Variants in MAN1C1 observed in about 807,000 individuals in gnomAD.
MAN1C1 encodes mannosidase alpha class 1C member 1.
MAN1C1 carries 49 observed loss-of-function variants against 71.5 expected under a neutral mutation model. The ratio of observed to expected loss-of-function variants is 0.69; its 90% CI spans 0.54 to 0.87. The LOEUF is 0.87. Among genes scored for constraint, MAN1C1 ranks in the 40% least tolerant of loss-of-function variants. The probability of loss-of-function intolerance (pLI) is 0.00; values close to 1 mark genes in which losing one functional copy is unlikely to be tolerated. For missense variants in MAN1C1, 743 were observed against 835.0 expected, an observed-to-expected ratio of 0.89 and a Z score of 1.36; for synonymous variants, 352 against 343.7, an observed-to-expected ratio of 1.02 and a Z score of -0.27.
rs2046231977 is a variant in MAN1C1 at position 25,686,435 on chromosome 1, T to C, written c.541-5T>C. On this transcript the variant is annotated splice_region_variant and splice_polypyrimidine_tract_variant and intron_variant, in intron 1 of 11. Transcript: ENST00000374332. ...AGGTTCTCTCTATGCTGCTTTTTCT[T>C]GCAGATGATGCAGTTTGCTTGGCAG... 5.0e-6 allele frequency: 8 copies of C among 1,613,790 alleles called. No individual in the cohort carries two copies. The East Asian group carries it at 1.8e-4, about 36-fold the overall frequency.
chr1:25,745,741 G>A (rs894447652), intron 2 of MAN1C1, among the ~76,000 whole-genome samples: 1 of 152,168 alleles, frequency 6.6e-6, no homozygotes, highest in Non-Finnish European at 1.5e-5. Context: ...TGTAATTCCA[G>A]CACTTTGGGA....
chr1:25,766,286 C>T (rs976184530), intron 7 of MAN1C1, among the ~76,000 whole-genome samples: 4 of 152,048 alleles, frequency 2.6e-5, no homozygotes, highest in Admixed American at 6.5e-5. Context: ...CAAACGTCTG[C>T]CTTCCTCCTC....
At chr1:25,741,620 A>C (rs2993240) in intron 2 of MAN1C1, among the ~76,000 whole-genome samples, 5,219 of 152,100 alleles carry the variant, frequency 0.034, 312 homozygotes, top group African/African-American at 0.12. Context: ...CATTAGCATG[A>C]GATGAGAATG....
intron 1 of MAN1C1, among the ~76,000 whole-genome samples, chr1:25,637,290 C>T (rs577536849): frequency 6.6e-6 from 1 of 152,076 alleles, no homozygotes; most frequent in South Asian, 2.1e-4. Context: ...TATTTCCTTC[C>T]TTCTGCCTAT....
intron 1 of MAN1C1, among the ~76,000 whole-genome samples, chr1:25,665,842 T>C (rs2045915664): frequency 6.7e-6 from 1 of 148,856 alleles, no homozygotes; most frequent in Non-Finnish European, 1.5e-5. Context: ...TTTCAGGTAA[T>C]ACTTGGCATT....
At chr1:25,770,807 A>C (rs2047540415) in intron 7 of MAN1C1, among the ~76,000 whole-genome samples, 1 of 124,568 alleles carries the variant, frequency 8.0e-6, no homozygotes, top group African/African-American at 3.1e-5. Flanking sequence ...CCTTCAGTCC[A>C]CCCCCATTTT....
At chr1:25,635,610 T>A (rs1167691379) in intron 1 of MAN1C1, among the ~76,000 whole-genome samples, 1 of 152,000 alleles carries the variant, frequency 6.6e-6, no homozygotes, top group East Asian at 1.9e-4. Flanking sequence ...CCACCACGCC[T>A]GGCTAATTTT....
At chr1:25,648,510 C>G (rs770924171) in intron 1 of MAN1C1, among the ~76,000 whole-genome samples, 1 of 152,156 alleles carries the variant, frequency 6.6e-6, no homozygotes, top group Non-Finnish European at 1.5e-5. Flanking sequence ...TCCCCAGGCT[C>G]TGGTCACATA....
chr1:25,724,125 T>C (rs1572175727), intron 2 of MAN1C1, among the ~76,000 whole-genome samples: 1 of 149,182 alleles, frequency 6.7e-6, no homozygotes, highest in Non-Finnish European at 1.5e-5. Context: ...GCCTCCCGGG[T>C]TCAAGCGATT....
intron 2 of MAN1C1, among the ~76,000 whole-genome samples, chr1:25,742,604 C>T (rs2047077553): frequency 6.6e-6 from 1 of 152,234 alleles, no homozygotes; most frequent in African/African-American, 2.4e-5. Context: ...CATGTACTCA[C>T]TATCATGCCA....
At chr1:25,682,815 A>G (rs1208641952) in intron 1 of MAN1C1, among the ~76,000 whole-genome samples, 2 of 152,106 alleles carry the variant, frequency 1.3e-5, no homozygotes, top group Non-Finnish European at 2.9e-5. Context: ...AGGCGGGCAA[A>G]TCACTTGAGG....
chr1:25,617,946 A>G lies in MAN1C1; in HGVS notation c.149A>G (p.Lys50Arg), dbSNP rs1286448901. The change falls in exon 1 of 12, where the codon AAG becomes AGG. Residue 50 changes from lysine to arginine, a missense_variant. Lys to Arg is a conservative substitution (Grantham distance 26, BLOSUM62 2). Coordinates refer to ENST00000374332, the MANE Select transcript of MAN1C1 (RefSeq NM_020379.4). The surrounding 1 kb of genome is among the most constrained non-coding windows in gnomAD (Gnocchi z 5.1). The stretch of plus-strand genomic sequence containing the variant: ...CTGCTGCCCCACTCCTCTCGCCTCA[A>G]GCGCCTCTTCCTGGCCCCCCGGACC... The part of the protein sequence containing the change: ...LFLLPHSSRL[K>R]RLFLAPRTQQ... 1 of 1,607,712 alleles carries G rather than the reference A, an allele frequency of 6.2e-7. No homozygotes were observed. Among genetic ancestry groups the G allele is most frequent in the Non-Finnish European group, 8.5e-7 (1 of 1,177,808 alleles).
intron 2 of MAN1C1, among the ~76,000 whole-genome samples, chr1:25,716,785 G>A (rs538744958): frequency 2.6e-5 from 4 of 152,266 alleles, no homozygotes; most frequent in African/African-American, 9.6e-5. Context: ...TAAAATCAAG[G>A]TACTGAACAT....
chr1:25,693,069 G>A (rs2046328580), intron 2 of MAN1C1, among the ~76,000 whole-genome samples: 1 of 152,116 alleles, frequency 6.6e-6, no homozygotes, highest in Admixed American at 6.5e-5. Flanking sequence ...CTGCTTATTA[G>A]CCTACTGTTG....
chr1:25,728,395 A>C (rs1403864793), intron 2 of MAN1C1, among the ~76,000 whole-genome samples: 2 of 152,064 alleles, frequency 1.3e-5, no homozygotes, highest in Non-Finnish European at 2.9e-5. Context: ...CACTCACAAC[A>C]ATCTGTTTGA....
At chr1:25,644,375 G>C (rs532429575) in intron 1 of MAN1C1, among the ~76,000 whole-genome samples, 3 of 151,416 alleles carry the variant, frequency 2.0e-5, no homozygotes, top group Non-Finnish European at 4.4e-5. Flanking sequence ...CATCTTGGAA[G>C]GGGGAGAGGA....
At chr1:25,696,328 G>A (rs79531150) in intron 2 of MAN1C1, among the ~76,000 whole-genome samples, 2,547 of 152,258 alleles carry the variant, frequency 0.017, 31 homozygotes, top group Non-Finnish European at 0.026. Context: ...TCTGAGGACC[G>A]GGAGGCAGGT....
rs1206018553 is a variant in MAN1C1, at chr1:25,775,738, G to T, written c.1258-2367G>T. ...GGGCTGGAGCATGCAGGAAGGAGGC[G>T]CAGCACCAGCTAAGCCCCGAAGCAG... On this transcript the variant is annotated intron_variant, in intron 8 of 11. Coordinates refer to ENST00000374332, the MANE Select transcript of MAN1C1 (RefSeq NM_020379.4). This position sits in a 1 kb window ranked among gnomAD's most constrained non-coding sequence, Gnocchi z 5.1. 6.6e-6 allele frequency among the ~76,000 whole-genome samples: 1 copy of T among 150,538 alleles called. No homozygotes were observed. The highest frequency in any genetic ancestry group is 1.5e-5 in the Non-Finnish European group (1 of 67,512).
rs2046610371 is a variant in MAN1C1, at chr1:25,711,349, C to T, written c.637+24813C>T. Among the ~76,000 whole-genome samples the T allele has an allele frequency of 6.6e-6, 1 of 152,148 alleles. No homozygotes were observed. The highest frequency in any genetic ancestry group is 6.5e-5 in the Admixed American group (1 of 15,274). ...AGGGCTACAGGGAGAAGTAGGACAC[C>T]AGGAACATTTTTGCCTTCTATCACA... On this transcript the variant is annotated intron_variant, in intron 2 of 11. Coordinates refer to ENST00000374332, the MANE Select transcript of MAN1C1 (RefSeq NM_020379.4). The surrounding 1 kb of genome is among the most constrained non-coding windows in gnomAD (Gnocchi z 4.3).
Sources: gnomAD v4.1 joint callset for allele counts (sites outside exome capture counted in the v4.1 genomes callset) on GRCh38, gnomAD v4.1.1 for gene constraint, Gnocchi (gnomAD v3.1) non-coding constraint, MANE v1.5 for transcripts, NCBI Gene and HGNC (gene_info 2026-07-23, HGNC 2026-07-21) for gene names.